Variants in XNDC1N observed in about 807,000 individuals in gnomAD.
XNDC1N encodes protein XNDC1N.
the XNDC1N span, chr11:71,893,561 C>T: frequency 1.1e-6 from 1 of 937,204 alleles, no homozygotes; most frequent in African/African-American, 1.6e-5. Flanking sequence ...CTGTCCCTGT[C>T]CCTGTCCATG....
At chr11:71,906,579 G>A in the XNDC1N span, among the ~76,000 whole-genome samples, 1 of 152,242 alleles carries the variant, frequency 6.6e-6, no homozygotes, top group East Asian at 1.9e-4. Flanking sequence ...TGTGAAATTA[G>A]TAGTGAACTC....
the XNDC1N span, among the ~76,000 whole-genome samples, chr11:71,889,510 G>A: frequency 6.6e-6 from 1 of 152,228 alleles, no homozygotes; most frequent in East Asian, 1.9e-4. Flanking sequence ...ACAAGTGATG[G>A]AGGAAGGATG....
the XNDC1N span, among the ~76,000 whole-genome samples, chr11:71,893,076 A>T: frequency 6.6e-6 from 1 of 152,266 alleles, no homozygotes; most frequent in Admixed American, 6.5e-5. Flanking sequence ...AGTAGAGTGT[A>T]TTTCATGGCT....
At chr11:71,874,243 C>A in the XNDC1N span, among the ~76,000 whole-genome samples, 2 of 152,310 alleles carry the variant, frequency 1.3e-5, no homozygotes, top group African/African-American at 4.8e-5. Flanking sequence ...TCGCTTGAAC[C>A]TGGGAAGCAG....
At chr11:71,900,929 G>A in the XNDC1N span, among the ~76,000 whole-genome samples, 3 of 152,126 alleles carry the variant, frequency 2.0e-5, no homozygotes, top group Non-Finnish European at 4.4e-5. Flanking sequence ...CAGACACATG[G>A]CATTTGGCCA....
the XNDC1N span, among the ~76,000 whole-genome samples, chr11:71,881,208 A>G: frequency 6.6e-6 from 1 of 152,206 alleles, no homozygotes; most frequent in Non-Finnish European, 1.5e-5. Flanking sequence ...ACATATATAT[A>G]CATATTTGGA....
chr11:71,911,587 G>A, the XNDC1N span, among the ~76,000 whole-genome samples: 2 of 152,158 alleles, frequency 1.3e-5, no homozygotes, highest in Non-Finnish European at 2.9e-5. Flanking sequence ...TTTCATTGGG[G>A]CCTTAGAACT....
chr11:71,868,292 A>G, the XNDC1N span, among the ~76,000 whole-genome samples: 1 of 152,138 alleles, frequency 6.6e-6, no homozygotes, highest in Non-Finnish European at 1.5e-5. Flanking sequence ...TTCAAGGTTA[A>G]TATTGCTATG....
At chr11:71,874,895 T>C in the XNDC1N span, among the ~76,000 whole-genome samples, 133 of 152,318 alleles carry the variant, frequency 8.7e-4, 1 homozygote, top group African/African-American at 3.1e-3. Context: ...TTTTTACCTA[T>C]ACTGGAAAAT....
chr11:71,880,506 G>T, the XNDC1N span, among the ~76,000 whole-genome samples: 1 of 151,924 alleles, frequency 6.6e-6, no homozygotes, highest in Non-Finnish European at 1.5e-5. Flanking sequence ...TTTAAATCTC[G>T]AATTCACTTA....
At chr11:71,885,849 T>A in the XNDC1N span, among the ~76,000 whole-genome samples, 7 of 152,054 alleles carry the variant, frequency 4.6e-5, no homozygotes, top group South Asian at 1.5e-3. Context: ...CAGTTATTAA[T>A]ATCAGGCATC....
At chr11:71,913,083 A>G in the XNDC1N span, among the ~76,000 whole-genome samples, 219 of 152,176 alleles carry the variant, frequency 1.4e-3, no homozygotes, top group African/African-American at 4.9e-3. Context: ...ATTCAGAACA[A>G]TATTATAGGA....
chr11:71,876,343 A>T, the XNDC1N span, among the ~76,000 whole-genome samples: 1 of 152,276 alleles, frequency 6.6e-6, no homozygotes, highest in Non-Finnish European at 1.5e-5. Context: ...AAGAAAAGTC[A>T]TTGGTCAAAG....
the XNDC1N span, among the ~76,000 whole-genome samples, chr11:71,915,693 C>G: frequency 3.4e-5 from 3 of 89,388 alleles, no homozygotes; most frequent in Admixed American, 2.4e-4. Context: ...ATGACAGAAA[C>G]TACACGGGAG....
At chr11:71,874,697 C>T in the XNDC1N span, among the ~76,000 whole-genome samples, 2 of 152,084 alleles carry the variant, frequency 1.3e-5, no homozygotes, top group African/African-American at 2.4e-5. Context: ...ATATGCTTCT[C>T]ATAGCTATGA....
At chr11:71,893,584 G>T in the XNDC1N span, 2 of 1,023,544 alleles carry the variant, frequency 2.0e-6, no homozygotes, top group Non-Finnish European at 3.1e-6. Flanking sequence ...TCTGGTCATG[G>T]TGCTGAGGAA....
At chr11:71,919,359 C>G in the XNDC1N span, among the ~76,000 whole-genome samples, 2 of 150,840 alleles carry the variant, frequency 1.3e-5, no homozygotes, top group Admixed American at 1.3e-4. Context: ...CCAAGCAAAG[C>G]AGAATTTCCA....
chr11:71,892,262 C>T, the XNDC1N span, among the ~76,000 whole-genome samples: 15 of 152,064 alleles, frequency 9.9e-5, no homozygotes, highest in African/African-American at 3.4e-4. Flanking sequence ...AATAACATCG[C>T]AGGGTGTACA....
At chr11:71,901,340 T>C in the XNDC1N span, among the ~76,000 whole-genome samples, 5 of 152,090 alleles carry the variant, frequency 3.3e-5, no homozygotes, top group Admixed American at 6.5e-5. Flanking sequence ...GGCTCACGCC[T>C]GTAATCCCAG....
Sources: gnomAD v4.1 joint callset for allele counts (sites outside exome capture counted in the v4.1 genomes callset) on GRCh38, gnomAD v4.1.1 for gene constraint, MANE v1.5 for transcripts, NCBI Gene and HGNC (gene_info 2026-07-23, HGNC 2026-07-21) for gene names.